The following XRCC4 variants were observed in gnomAD, a reference collection of about 807,000 sequenced individuals.
XRCC4 encodes the protein X-ray repair cross complementing 4, also known as DNA repair protein XRCC4.
XRCC4 carries 28 observed loss-of-function variants against 39.1 expected under a neutral mutation model. The observed-to-expected ratio is 0.72, with a 90% CI of 0.53 to 0.98. XRCC4 has a LOEUF of 0.98. XRCC4 is among the 50% of genes least tolerant of loss of function. XRCC4 has a pLI of 0.00. For synonymous variants in XRCC4, 123 were observed against 126.4 expected (o/e 0.97, Z 0.18); for missense variants, 350 against 376.4 (o/e 0.93, Z 0.58).
chr5:83,346,323 A>T (rs1756915705), intron 7 of XRCC4, among the ~76,000 whole-genome samples: 1 of 152,202 alleles, frequency 6.6e-6, no homozygotes, highest in African/African-American at 2.4e-5. Flanking sequence ...ACAAATGAAG[A>T]AACTGAGGTC....
At chr5:83,346,277 G>A (rs1221729500) in intron 7 of XRCC4, among the ~76,000 whole-genome samples, 1 of 152,084 alleles carries the variant, frequency 6.6e-6, no homozygotes, top group Non-Finnish European at 1.5e-5. Flanking sequence ...GGAACTGGAA[G>A]AGCTCTAAGA....
rs552271768 is a variant in XRCC4 at position 83,231,900 on chromosome 5, T to A, written c.746-26630T>A. On this transcript the variant is annotated intron_variant, in intron 6 of 7. Transcript: ENST00000396027. ...TGCCAGTGAGATCCATTTCTATGGA[T>A]TTGTCATTTGTTACAGTTTAAATGC... Among the ~76,000 whole-genome samples, 35 of 152,216 alleles carry A rather than the reference T, an allele frequency of 2.3e-4. No individual in the cohort carries two copies. The South Asian group carries it at 7.3e-3, about 32-fold the overall frequency.
chr5:83,196,562 A>G (rs1303495171), intron 4 of XRCC4, among the ~76,000 whole-genome samples: 2 of 152,018 alleles, frequency 1.3e-5, no homozygotes, highest in South Asian at 2.1e-4. Context: ...GGCTGGCCCA[A>G]TGTGTAACCT....
chr5:83,130,163 A>G (rs996139345), intron 3 of XRCC4, among the ~76,000 whole-genome samples: 2 of 151,530 alleles, frequency 1.3e-5, no homozygotes, highest in African/African-American at 4.9e-5. Context: ...ATTTATTGAG[A>G]GTTTTTAGCA....
intron 4 of XRCC4, 44 bp downstream of exon 4, chr5:83,195,980 T>A: frequency 6.6e-7 from 1 of 1,514,144 alleles, no homozygotes; most frequent in Non-Finnish European, 8.9e-7. Flanking sequence ...CGGAGCCCTC[T>A]TTATGTTGTT....
intron 3 of XRCC4, among the ~76,000 whole-genome samples, chr5:83,133,006 C>A (rs1210246866): frequency 6.6e-6 from 1 of 151,916 alleles, no homozygotes; most frequent in East Asian, 1.9e-4. Flanking sequence ...CTGGTTTTTC[C>A]CCATCTTTGT....
At chr5:83,117,176 C>T (rs977971372) in intron 3 of XRCC4, among the ~76,000 whole-genome samples, 8 of 152,224 alleles carry the variant, frequency 5.3e-5, no homozygotes, top group South Asian at 4.1e-4. Context: ...CCATAGAGTG[C>T]GAACCCATGT....
intron 7 of XRCC4, among the ~76,000 whole-genome samples, chr5:83,308,228 T>C (rs1755556108): frequency 6.6e-6 from 1 of 152,212 alleles, no homozygotes; most frequent in African/African-American, 2.4e-5. Flanking sequence ...AATTCTTGTG[T>C]AGTCATATTA....
intron 1 of XRCC4, among the ~76,000 whole-genome samples, chr5:83,084,982 T>C (rs1178045932): frequency 6.6e-6 from 1 of 152,202 alleles, no homozygotes. Flanking sequence ...TAATTAGGCT[T>C]GAGATTAAGT....
the XRCC4 span, among the ~76,000 whole-genome samples, chr5:83,371,142 T>C: frequency 6.6e-6 from 1 of 152,180 alleles, no homozygotes; most frequent in African/African-American, 2.4e-5. Flanking sequence ...CTCTTTGTCT[T>C]GAGTATCCCT....
intron 6 of XRCC4, among the ~76,000 whole-genome samples, chr5:83,222,615 AT>A (rs371198652): frequency 6.6e-6 from 1 of 152,132 alleles, no homozygotes; most frequent in African/African-American, 2.4e-5. Flanking sequence ...ATGTTGTTTA[AT>A]TTTCATGCAT....
chr5:83,301,462 T>A (rs570883673), intron 7 of XRCC4, among the ~76,000 whole-genome samples: 5 of 152,348 alleles, frequency 3.3e-5, no homozygotes, highest in African/African-American at 1.2e-4. Flanking sequence ...TCCTTGTAGA[T>A]TCTGGATATC....
intron 3 of XRCC4, among the ~76,000 whole-genome samples, chr5:83,119,720 C>A (rs1746906746): frequency 3.3e-5 from 5 of 151,770 alleles, no homozygotes; most frequent in Admixed American, 3.3e-4. Context: ...GCCTGTAATC[C>A]CAGCACTTTG....
At chr5:83,261,172 C>T (rs1399595225) in intron 7 of XRCC4, among the ~76,000 whole-genome samples, 1 of 149,422 alleles carries the variant, frequency 6.7e-6, no homozygotes, top group African/African-American at 2.5e-5. Flanking sequence ...AAAGAAGCTT[C>T]TATAAAACAA....
chr5:83,134,326 A>G (rs1747772415), intron 3 of XRCC4, among the ~76,000 whole-genome samples: 1 of 152,070 alleles, frequency 6.6e-6, no homozygotes, highest in South Asian at 2.1e-4. Context: ...AAAGGATTGT[A>G]AACACACCAG....
At chr5:83,123,914 T>C (rs543406181) in intron 3 of XRCC4, among the ~76,000 whole-genome samples, 1 of 152,304 alleles carries the variant, frequency 6.6e-6, no homozygotes, top group East Asian at 1.9e-4. Context: ...ACAGTTAACT[T>C]ACTTTTTTAA....
intron 6 of XRCC4, among the ~76,000 whole-genome samples, chr5:83,216,560 C>G (rs1751867010): frequency 6.6e-6 from 1 of 152,090 alleles, no homozygotes; most frequent in South Asian, 2.1e-4. Context: ...CTGGAAAATT[C>G]TGAATGTTCA....
At chr5:83,122,475 C>G (rs1367052169) in intron 3 of XRCC4, among the ~76,000 whole-genome samples, 1 of 151,996 alleles carries the variant, frequency 6.6e-6, no homozygotes, top group Non-Finnish European at 1.5e-5. Context: ...GGGCTTCCCT[C>G]CACCCCAAAA....
At chr5:83,131,083 T>C (rs1213449208) in intron 3 of XRCC4, among the ~76,000 whole-genome samples, 1 of 152,208 alleles carries the variant, frequency 6.6e-6, no homozygotes, top group Non-Finnish European at 1.5e-5. Context: ...TTTGGATCTT[T>C]CTTGCTTTCT....
Sources: gnomAD v4.1 joint callset for allele counts (sites outside exome capture counted in the v4.1 genomes callset) on GRCh38, gnomAD v4.1.1 for gene constraint, MANE v1.5 for transcripts, NCBI Gene and HGNC (gene_info 2026-07-23, HGNC 2026-07-21) for gene names.